AGBL4: variants seen among roughly 807,000 people sequenced by gnomAD.
AGBL4 encodes the protein AGBL carboxypeptidase 4.
Under a neutral mutation model 66.4 loss-of-function variants are expected in AGBL4, and 58 were observed. The observed-to-expected ratio is 0.87, with a 90% CI of 0.71 to 1.09. The LOEUF (loss-of-function observed/expected upper bound fraction) is 1.09, where lower values mean the gene tolerates loss of function less well. Ranked by LOEUF, AGBL4 falls within the 50% of genes least tolerant of loss-of-function variation. The pLI is 0.00. For synonymous variants in AGBL4, 234 were observed against 222.9 expected, an observed-to-expected ratio of 1.05 and a Z score of -0.44; for missense variants, 579 against 631.0, an observed-to-expected ratio of 0.92 and a Z score of 0.88.
intron 5 of AGBL4, among the ~76,000 whole-genome samples, chr1:49,035,733 T>G (rs1217658426): frequency 6.6e-6 from 1 of 151,456 alleles, no homozygotes; most frequent in Non-Finnish European, 1.5e-5. Flanking sequence ...TCCTGGGGTG[T>G]GTGTGTGTGT....
intron 3 of AGBL4, among the ~76,000 whole-genome samples, chr1:49,626,035 T>G (rs1163533458): frequency 1.3e-5 from 2 of 152,194 alleles, no homozygotes; most frequent in African/African-American, 4.8e-5. Flanking sequence ...TAGTGATGTG[T>G]TAAAACTACT....
At chr1:49,849,393 TTTATTATTATTATTATTA>T (rs61688417) in intron 2 of AGBL4, among the ~76,000 whole-genome samples, 2 of 130,080 alleles carry the variant, frequency 1.5e-5, no homozygotes, top group African/African-American at 5.4e-5. Context: ...ATTCATCTAA[TTTATTATTATTATTATTA>T]TTATTATTAT....
At chr1:48,618,251 A>G (rs1352661592) in intron 9 of AGBL4, among the ~76,000 whole-genome samples, 2 of 152,208 alleles carry the variant, frequency 1.3e-5, no homozygotes, top group Admixed American at 1.3e-4. Context: ...CAACGTTGCA[A>G]TAAAGGGTCA....
At chr1:49,650,515 T>G (rs1645981437) in intron 3 of AGBL4, among the ~76,000 whole-genome samples, 1 of 152,178 alleles carries the variant, frequency 6.6e-6, no homozygotes, top group Admixed American at 6.5e-5. Flanking sequence ...CACACTCCCC[T>G]CAGGCCTAAA....
At chr1:49,907,620 A>T (rs1303502171) in intron 1 of AGBL4, among the ~76,000 whole-genome samples, 1 of 152,178 alleles carries the variant, frequency 6.6e-6, no homozygotes, top group African/African-American at 2.4e-5. Flanking sequence ...AAAAGGAAAA[A>T]CTATAAAGTA....
chr1:48,866,548 C>T (rs1397641098), intron 6 of AGBL4, among the ~76,000 whole-genome samples: 1 of 152,178 alleles, frequency 6.6e-6, no homozygotes, highest in African/African-American at 2.4e-5. Context: ...CAGAACAGTA[C>T]CTCTTTTTGT....
intron 3 of AGBL4, among the ~76,000 whole-genome samples, chr1:49,652,399 G>T (rs568343697): frequency 6.6e-6 from 1 of 152,262 alleles, no homozygotes; most frequent in South Asian, 2.1e-4. Flanking sequence ...TTTTCCCACA[G>T]ATCCTTGCAA....
At chr1:49,303,095 T>C in intron 3 of AGBL4, among the ~76,000 whole-genome samples, 1 of 152,180 alleles carries the variant, frequency 6.6e-6, no homozygotes, top group East Asian at 1.9e-4. Flanking sequence ...ATCTTTGCTA[T>C]TGTGAATGGT....
At chr1:49,243,859 A>C (rs1651427399) in intron 4 of AGBL4, among the ~76,000 whole-genome samples, 1 of 151,794 alleles carries the variant, frequency 6.6e-6, no homozygotes, top group African/African-American at 2.4e-5. Flanking sequence ...TGGCTTAATA[A>C]ACTACAACAA....
At chr1:49,392,258 C>T (rs1171333814) in intron 3 of AGBL4, among the ~76,000 whole-genome samples, 1 of 152,140 alleles carries the variant, frequency 6.6e-6, no homozygotes. Context: ...TATTAAGCAG[C>T]ATAGACAGGG....
At chr1:48,578,519 C>T (rs1398505641) in intron 11 of AGBL4, among the ~76,000 whole-genome samples, 2 of 152,134 alleles carry the variant, frequency 1.3e-5, no homozygotes, top group African/African-American at 4.8e-5. Context: ...TGAGAAGTAC[C>T]TAGGTATCTT....
intron 4 of AGBL4, among the ~76,000 whole-genome samples, chr1:49,148,133 G>A (rs1187843440): frequency 6.6e-6 from 1 of 152,090 alleles, no homozygotes; most frequent in Non-Finnish European, 1.5e-5. Context: ...ATACTTTGTA[G>A]GACTATAGTA....
At chr1:49,258,493 G>C (rs1256650067) in intron 3 of AGBL4, among the ~76,000 whole-genome samples, 1 of 152,140 alleles carries the variant, frequency 6.6e-6, no homozygotes, top group Non-Finnish European at 1.5e-5. Context: ...CAAGGCTCGA[G>C]AACTACGTGA....
rs191642146 is a variant in AGBL4 at position 49,444,289 on chromosome 1, T to A, written c.283-198425A>T. Among the ~76,000 whole-genome samples the A allele has an allele frequency of 5.5e-3, 836 of 152,194 alleles. 2 individuals are homozygous for A. The highest frequency in any genetic ancestry group is 0.02 in the Middle Eastern group (6 of 294). ...TTAGGCCAGTTGGTATAAGCTCCAG[T>A]TTAATCCAATGTGTTTTTTTGTTGT... is the stretch of plus-strand genomic sequence containing the variant. On this transcript the variant is annotated intron_variant, in intron 3 of 13. Transcript: ENST00000371839.
intron 11 of AGBL4, among the ~76,000 whole-genome samples, chr1:48,573,613 T>C (rs141198321): frequency 1.9e-4 from 29 of 152,316 alleles, no homozygotes; most frequent in African/African-American, 3.8e-4. Context: ...GAGATTTCTA[T>C]TGGGGTATCA....
At chr1:49,608,565 C>A (rs996771283) in intron 3 of AGBL4, among the ~76,000 whole-genome samples, 4 of 152,046 alleles carry the variant, frequency 2.6e-5, no homozygotes, top group Non-Finnish European at 5.9e-5. Flanking sequence ...CAGTCATTGG[C>A]ACCACCAAAG....
intron 6 of AGBL4, among the ~76,000 whole-genome samples, chr1:48,821,506 A>G (rs1646312447): frequency 6.6e-6 from 1 of 152,318 alleles, no homozygotes; most frequent in South Asian, 2.1e-4. Flanking sequence ...AAAGTCAAGT[A>G]CCACATGTTT....
intron 4 of AGBL4, among the ~76,000 whole-genome samples, chr1:49,172,460 T>C (rs1018600028): frequency 6.6e-6 from 1 of 152,188 alleles, no homozygotes; most frequent in African/African-American, 2.4e-5. Context: ...AGAAGCTTTA[T>C]GAACCAGTAG....
intron 4 of AGBL4, among the ~76,000 whole-genome samples, chr1:49,128,726 A>G (rs1239973759): frequency 1.3e-5 from 2 of 152,096 alleles, no homozygotes; most frequent in African/African-American, 4.8e-5. Flanking sequence ...AAAATGAACT[A>G]TAAATATAAA....
Sources: gnomAD v4.1 joint callset for allele counts (sites outside exome capture counted in the v4.1 genomes callset) on GRCh38, gnomAD v4.1.1 for gene constraint, MANE v1.5 for transcripts, NCBI Gene and HGNC (gene_info 2026-07-23, HGNC 2026-07-21) for gene names.